The following SAMD12 variants were observed in gnomAD, a reference collection of about 807,000 sequenced individuals.
SAMD12 encodes the protein sterile alpha motif domain containing 12, also known as sterile alpha motif domain-containing protein 12.
SAMD12 carries 9 observed loss-of-function variants against 15.0 expected under a neutral mutation model. That is an observed-to-expected ratio of 0.60 (90% CI 0.36 to 1.05). The LOEUF (loss-of-function observed/expected upper bound fraction) is 1.05, where lower values mean the gene tolerates loss of function less well. Ranked by LOEUF, SAMD12 falls within the 50% of genes least tolerant of loss-of-function variation. The pLI is 0.01. For missense variants in SAMD12, 230 were observed against 234.2 expected, an observed-to-expected ratio of 0.98 and a Z score of 0.12; for synonymous variants, 86 against 90.1, an observed-to-expected ratio of 0.96 and a Z score of 0.25.
chr8:118,500,204 G>A (rs954246820), intron 2 of SAMD12, among the ~76,000 whole-genome samples: 13 of 146,866 alleles, frequency 8.9e-5, no homozygotes, highest in Admixed American at 1.4e-4. Flanking sequence ...TCAGCCTCCC[G>A]AGTAGCTGGG....
chr8:118,254,594 C>A (rs964970513), intron 4 of SAMD12, among the ~76,000 whole-genome samples: 6 of 152,042 alleles, frequency 3.9e-5, no homozygotes, highest in South Asian at 2.1e-4. Flanking sequence ...ACACAAACTT[C>A]CCCCTTCCTC....
rs547426558 is a variant in SAMD12 at position 118,487,562 on chromosome 8, A to G, written c.193-47601T>C. ...ATCTGGATGCCTCATGTTGCTTCTG[A>G]AAGGACTGAAAGGAAGGACTGCAGT... On this transcript the variant is annotated intron_variant, in intron 2 of 3. Transcript: ENST00000314727. Among the ~76,000 whole-genome samples, 6 of 152,352 alleles carry G rather than the reference A, an allele frequency of 3.9e-5. No individual in the cohort carries two copies. The South Asian group carries it at 1.2e-3, about 32-fold the overall frequency.
At chr8:118,416,149 A>C (rs1316954468) in intron 3 of SAMD12, among the ~76,000 whole-genome samples, 1 of 152,216 alleles carries the variant, frequency 6.6e-6, no homozygotes, top group African/African-American at 2.4e-5. Flanking sequence ...AAGTAGAATC[A>C]AGGAGGCATC....
rs559813262 is a variant in SAMD12, at chr8:118,448,450, C to T, written c.193-8489G>A. On this transcript the variant is annotated intron_variant, in intron 2 of 3. Coordinates refer to ENST00000314727, the MANE Select transcript of SAMD12 (RefSeq NM_207506.3). ...TTGCAAAGAATCTCAAAATTTAGAA[C>T]AGTACCTGGCACAAAGCAGGAACTC... is the stretch of plus-strand genomic sequence containing the variant. Among the ~76,000 whole-genome samples the T allele has an allele frequency of 2.6e-5, 4 of 152,304 alleles. No homozygotes were observed. In the South Asian group the frequency reaches 6.2e-4, roughly 24 times the overall value.
At chr8:118,551,984 T>C (rs1180325867) in intron 2 of SAMD12, among the ~76,000 whole-genome samples, 1 of 149,876 alleles carries the variant, frequency 6.7e-6, no homozygotes, top group Non-Finnish European at 1.5e-5. Flanking sequence ...CAGGAAGAAG[T>C]TGAATCTCTG....
At chr8:118,500,545 C>A (rs978634421) in intron 2 of SAMD12, among the ~76,000 whole-genome samples, 4 of 152,012 alleles carry the variant, frequency 2.6e-5, no homozygotes, top group Non-Finnish European at 5.9e-5. Flanking sequence ...GTGGCTCACG[C>A]CTGTAATCCC....
intron 2 of SAMD12, among the ~76,000 whole-genome samples, chr8:118,566,625 C>G (rs1487334720): frequency 6.6e-6 from 1 of 152,022 alleles, no homozygotes; most frequent in Non-Finnish European, 1.5e-5. Flanking sequence ...TGTCAGGATC[C>G]TCCATAACAC....
Position 118,372,009 on chromosome 8 carries a change from C to T in SAMD12, c.433+7551G>A, listed in dbSNP as rs1339257776. ...GCTATCCAATGATAAAGCAGAAGAA[C>T]TGTGTTGAAGAGAACTGGCATGTGA... On this transcript the variant is annotated intron_variant, in intron 4 of 4. Coordinates refer to the SAMD12 transcript ENST00000409003. Among the ~76,000 whole-genome samples the T allele has an allele frequency of 1.3e-5, 2 of 152,264 alleles. 1 individual carries two copies. The highest frequency in any genetic ancestry group is 4.8e-5 in the African/African-American group (2 of 41,560).
At chr8:118,552,437 T>C (rs1425744527) in intron 2 of SAMD12, among the ~76,000 whole-genome samples, 5 of 152,194 alleles carry the variant, frequency 3.3e-5, no homozygotes, top group Non-Finnish European at 7.3e-5. Context: ...CACATGGTTA[T>C]CTCAATAGAT....
chr8:118,156,952 C>T, the SAMD12 span, among the ~76,000 whole-genome samples: 7 of 152,114 alleles, frequency 4.6e-5, no homozygotes, highest in South Asian at 4.2e-4. Context: ...GATGTTTGCC[C>T]TATGGAAATT....
chr8:118,549,384 G>A (rs1267375959), intron 2 of SAMD12, among the ~76,000 whole-genome samples: 1 of 152,240 alleles, frequency 6.6e-6, no homozygotes, highest in Non-Finnish European at 1.5e-5. Flanking sequence ...AAAAACCACT[G>A]TTCTGCAGAC....
the SAMD12 span, among the ~76,000 whole-genome samples, chr8:118,134,162 G>A: frequency 6.6e-6 from 1 of 152,168 alleles, no homozygotes; most frequent in Admixed American, 6.5e-5. Context: ...TAATGAAAAG[G>A]CAAAATCTTC....
At chr8:118,482,205 C>A (rs1350276624) in intron 2 of SAMD12, among the ~76,000 whole-genome samples, 1 of 152,194 alleles carries the variant, frequency 6.6e-6, no homozygotes, top group Non-Finnish European at 1.5e-5. Flanking sequence ...GCACTTAATG[C>A]AGCAGGTCAG....
chr8:118,390,110 C>A (rs1213134600), intron 3 of SAMD12, among the ~76,000 whole-genome samples: 1 of 152,024 alleles, frequency 6.6e-6, no homozygotes, highest in East Asian at 1.9e-4. Flanking sequence ...GGGTTCATGC[C>A]ATTCTCCTGC....
intron 4 of SAMD12, among the ~76,000 whole-genome samples, chr8:118,345,966 C>T (rs1040999250): frequency 2.0e-5 from 3 of 152,188 alleles, no homozygotes; most frequent in African/African-American, 4.8e-5. Flanking sequence ...AGAACAGATG[C>T]TGGGGCTAAC....
intron 2 of SAMD12, among the ~76,000 whole-genome samples, chr8:118,535,551 G>A (rs1378484955): frequency 6.6e-6 from 1 of 152,246 alleles, no homozygotes; most frequent in Admixed American, 6.5e-5. Flanking sequence ...CAGAGGTGGA[G>A]TCTACAGAGG....
rs142775073 is a variant in SAMD12 at position 118,287,410 on chromosome 8, C to T, written c.434-89678G>A. On this transcript the variant is annotated intron_variant, in intron 4 of 4. Coordinates refer to the SAMD12 transcript ENST00000409003. ...AAAGGGCTGGAATTACAGGCGTGAG[C>T]CACCGCGCCCGGCCAGGAAGAATAT... is the stretch of plus-strand genomic sequence containing the variant. Among the ~76,000 whole-genome samples, 114 of 152,276 alleles carry T rather than the reference C, an allele frequency of 7.5e-4. 1 individual carries two copies. Among genetic ancestry groups the T allele is most frequent in the Non-Finnish European group, 1.5e-3 (100 of 68,008 alleles).
chr8:118,491,754 A>C (rs1003882069), intron 2 of SAMD12, among the ~76,000 whole-genome samples: 1 of 152,190 alleles, frequency 6.6e-6, no homozygotes, highest in African/African-American at 2.4e-5. Flanking sequence ...TATGAGAATC[A>C]ATCATATTGT....
At chr8:118,296,236 A>C (rs1209849112) in intron 4 of SAMD12, among the ~76,000 whole-genome samples, 1 of 152,136 alleles carries the variant, frequency 6.6e-6, no homozygotes, top group Non-Finnish European at 1.5e-5. Flanking sequence ...CCTTCTCTCC[A>C]GCTATCTCAC....
Sources: allele counts gnomAD v4.1 joint callset (sites outside exome capture counted in the v4.1 genomes callset), GRCh38; gene constraint gnomAD v4.1.1; transcripts MANE v1.5; gene names NCBI Gene and HGNC (gene_info 2026-07-23, HGNC 2026-07-21).